TEX264: variants seen among roughly 807,000 people sequenced by gnomAD.
TEX264 encodes the protein testis expressed 264, ER-phagy receptor, also known as testis-expressed protein 264.
In TEX264, 13 loss-of-function variants were observed where a neutral mutation model predicts 23.4. The ratio of observed to expected loss-of-function variants is 0.56; its 90% CI spans 0.36 to 0.88. The LOEUF is 0.88. Ranked by LOEUF, TEX264 falls within the 40% of genes least tolerant of loss-of-function variation. TEX264 has a pLI of 0.01. For missense variants in TEX264, 340 were observed against 406.8 expected (o/e 0.84, Z 1.41); for synonymous variants, 159 against 170.0 (o/e 0.94, Z 0.50).
chr3:51,676,720 T>C (rs1305235987), intron 2 of TEX264, among the ~76,000 whole-genome samples: 1 of 152,232 alleles, frequency 6.6e-6, no homozygotes. Context: ...GTGAGGCATT[T>C]ACCCCAGCAC....
At position 51,674,679 on chromosome 3, in the gene TEX264, C is replaced by T. The variant is rs556274908; in HGVS notation, c.258+117C>T. On this transcript the variant is annotated intron_variant, in intron 2 of 4. Transcript: ENST00000341333. Reference sequence around the variant, plus strand: ...TGGGAGAATCTTCAAGCTGGCCCTGCAGACCCCTCCTCTATGAGCTTGAAG... The same window carrying T: ...TGGGAGAATCTTCAAGCTGGCCCTGTAGACCCCTCCTCTATGAGCTTGAAG... The T allele has an allele frequency of 5.7e-6, 7 of 1,232,436 alleles. No homozygotes were observed. The Admixed American group carries it at 6.9e-5, about 12-fold the overall frequency. 76.3% of individuals were successfully genotyped at this position (1,232,436 alleles called of 1,614,324 possible). A position where few individuals can be genotyped will look rare whatever the true frequency, so the allele number is the denominator to read the frequency against.
At position 51,704,190 on chromosome 3, in the gene TEX264, A is replaced by G. The variant is rs1055848066; in HGVS notation, c.*174A>G. 3.8e-5 allele frequency: 20 copies of G among 520,212 alleles called. No homozygotes were observed. The highest frequency in any genetic ancestry group is 5.7e-5 in the Non-Finnish European group (19 of 335,044). The allele number at this position is 520,212 out of a possible 1,614,324, so 32.2% of individuals were successfully genotyped here. A position where few individuals can be genotyped will look rare whatever the true frequency, so the allele number is the denominator to read the frequency against. On this transcript the variant is annotated 3_prime_UTR_variant, in exon 5 of 5. Coordinates refer to ENST00000341333, the MANE Select transcript of TEX264 (RefSeq NM_015926.6). ...TCTCCTCACTGCCCTTTAGGCTCCC[A>G]GGGCCAGAGGAGCCAGGGACTATTT...
chr3:51,678,103 C>T (rs1338343799), intron 2 of TEX264, among the ~76,000 whole-genome samples: 2 of 152,124 alleles, frequency 1.3e-5, no homozygotes, highest in Non-Finnish European at 2.9e-5. Context: ...ACACACTGGT[C>T]CATACTGCCC....
At chr3:51,690,791 C>T (rs911983593) in intron 3 of TEX264, among the ~76,000 whole-genome samples, 1 of 152,138 alleles carries the variant, frequency 6.6e-6, no homozygotes, top group Admixed American at 6.5e-5. Flanking sequence ...AGCTAGGAGG[C>T]GTCATAGAGT....
chr3:51,694,674 T>G (rs1402391835), intron 3 of TEX264: 2 of 152,496 alleles, frequency 1.3e-5, no homozygotes, highest in East Asian at 3.9e-4. Context: ...CCTGGGGTGC[T>G]CTCTGCCACT....
chr3:51,695,192 G>T (rs749951730), intron 3 of TEX264, among the ~76,000 whole-genome samples: 51 of 152,354 alleles, frequency 3.3e-4, no homozygotes, highest in Non-Finnish European at 6.3e-4. Context: ...ATCCAGCCTG[G>T]CACAGAAGGA....
At chr3:51,689,972 T>C (rs1702769530) in intron 3 of TEX264, among the ~76,000 whole-genome samples, 1 of 152,118 alleles carries the variant, frequency 6.6e-6, no homozygotes, top group Non-Finnish European at 1.5e-5. Context: ...TGGTGGGTGA[T>C]AGCATTATGG....
chr3:51,682,414 AAG>A (rs1313672848), intron 2 of TEX264: 1 of 152,222 alleles, frequency 6.6e-6, no homozygotes, highest in Admixed American at 6.5e-5. Flanking sequence ...ACTGGGGGAG[AAG>A]AGAGTGCCAC....
chr3:51,693,486 T>G (rs1250641408), intron 3 of TEX264, among the ~76,000 whole-genome samples: 1 of 149,584 alleles, frequency 6.7e-6, no homozygotes, highest in African/African-American at 2.5e-5. Context: ...GTTTTTTTTT[T>G]TTTTTTTTTT....
intron 1 of TEX264, among the ~76,000 whole-genome samples, chr3:51,673,633 C>T (rs138361398): frequency 6.6e-6 from 1 of 152,312 alleles, no homozygotes; most frequent in African/African-American, 2.4e-5. Context: ...TCTGGTCTTT[C>T]CTCTGGTTCT....
intron 1 of TEX264, among the ~76,000 whole-genome samples, chr3:51,672,643 A>C (rs1028426604): frequency 6.6e-6 from 1 of 152,138 alleles, no homozygotes; most frequent in Non-Finnish European, 1.5e-5. Flanking sequence ...AGGAGAGAGA[A>C]AGTGGAAATG....
chr3:51,671,995 A>G (rs1489486957), intron 1 of TEX264: 1 of 152,258 alleles, frequency 6.6e-6, no homozygotes, highest in Non-Finnish European at 1.5e-5. Flanking sequence ...CGGCAGCGGC[A>G]GTTTCTGGGC....
intron 3 of TEX264, among the ~76,000 whole-genome samples, chr3:51,696,780 T>C (rs1434542982): frequency 6.6e-6 from 1 of 152,246 alleles, no homozygotes; most frequent in Non-Finnish European, 1.5e-5. Flanking sequence ...GTCTGAATTT[T>C]GGTAGGACCT....
chr3:51,701,919 A>G (rs1048388351), intron 4 of TEX264, among the ~76,000 whole-genome samples: 7 of 152,238 alleles, frequency 4.6e-5, no homozygotes, highest in African/African-American at 1.4e-4. Flanking sequence ...GGCGTGAGCC[A>G]CCGTGCCTGG....
intron 3 of TEX264, among the ~76,000 whole-genome samples, chr3:51,696,543 G>A (rs921664892): frequency 6.6e-6 from 1 of 152,224 alleles, no homozygotes. Flanking sequence ...GAGGGAAAGG[G>A]CTTGTCCTCT....
chr3:51,701,549 T>G (rs1243326299), intron 4 of TEX264, among the ~76,000 whole-genome samples: 2 of 152,098 alleles, frequency 1.3e-5, no homozygotes, highest in Admixed American at 1.3e-4. Flanking sequence ...GGCCTTGAAC[T>G]TGTTAGCTCA....
intron 2 of TEX264, among the ~76,000 whole-genome samples, chr3:51,678,941 C>T (rs1048757952): frequency 3.3e-5 from 5 of 152,152 alleles, no homozygotes; most frequent in African/African-American, 4.8e-5. Context: ...GGGCTCAGGC[C>T]GCCCCCTATC....
intron 2 of TEX264, among the ~76,000 whole-genome samples, chr3:51,677,450 AC>A (rs1362554317): frequency 1.3e-5 from 2 of 152,038 alleles, no homozygotes; most frequent in African/African-American, 2.4e-5. Context: ...TCAGTGTCCC[AC>A]CCCCACTGTG....
Position 51,703,864 on chromosome 3 carries a change from AGC to A in TEX264, c.792_793del (p.Ser264ArgfsTer10), listed in dbSNP as rs1703421265. The A allele has an allele frequency of 6.2e-7, 1 of 1,612,548 alleles. No homozygotes were observed. The highest frequency in any genetic ancestry group is 1.7e-5 in the Admixed American group (1 of 59,988). On this transcript the variant is annotated frameshift_variant, in exon 5 of 5. Coordinates refer to ENST00000341333, the MANE Select transcript of TEX264 (RefSeq NM_015926.6). LOFTEE classifies it high-confidence loss of function. The surrounding 1 kb of genome is among the most constrained non-coding windows in gnomAD (Gnocchi z 4.8). ...TGACACCCGCAGCGAGCACAGCTAC[AGC>A]GAGTCAGGTGCCAGCGGCTCCTCTT... The part of the protein sequence containing the change: ...DGDTRSEHSY[S>X]ESGASGSSFE...
Sources: gnomAD v4.1 joint callset for allele counts (sites outside exome capture counted in the v4.1 genomes callset) on GRCh38, gnomAD v4.1.1 for gene constraint, Gnocchi (gnomAD v3.1) non-coding constraint, MANE v1.5 for transcripts, NCBI Gene and HGNC (gene_info 2026-07-23, HGNC 2026-07-21) for gene names.